KCND2: variants seen among roughly 807,000 people sequenced by gnomAD.
The protein encoded by KCND2 is potassium voltage-gated channel subfamily D member 2.
KCND2 carries 16 observed loss-of-function variants against 54.4 expected under a neutral mutation model. The ratio of observed to expected loss-of-function variants is 0.29; its 90% CI spans 0.20 to 0.45. The LOEUF is 0.45. Ranked by LOEUF, KCND2 falls within the 20% of genes least tolerant of loss-of-function variation. The pLI is 1.00. For synonymous variants in KCND2, 317 were observed against 310.7 expected (o/e 1.02, Z -0.21); for missense variants, 486 against 824.2 (o/e 0.59, Z 5.02).
intron 1 of KCND2, among the ~76,000 whole-genome samples, chr7:120,595,609 A>ATATATG (rs1251801793): frequency 1.4e-4 from 20 of 145,932 alleles, no homozygotes; most frequent in Non-Finnish European, 2.7e-4. Context: ...ATATATATAT[A>ATATATG]TATACACCAG....
chr7:120,537,989 A>T (rs1791932465), intron 1 of KCND2, among the ~76,000 whole-genome samples: 2 of 152,152 alleles, frequency 1.3e-5, no homozygotes, highest in Admixed American at 6.5e-5. Flanking sequence ...TTTCCTTTGC[A>T]TCCACAACTT....
At chr7:120,578,800 G>A (rs1584837154) in intron 1 of KCND2, among the ~76,000 whole-genome samples, 1 of 152,172 alleles carries the variant, frequency 6.6e-6, no homozygotes, top group East Asian at 1.9e-4. Flanking sequence ...AAGAGGCAGA[G>A]GTTGCAGTGA....
At chr7:120,437,236 T>G (rs1390892969) in intron 1 of KCND2, among the ~76,000 whole-genome samples, 3 of 138,678 alleles carry the variant, frequency 2.2e-5, no homozygotes, top group Non-Finnish European at 3.0e-5. Flanking sequence ...AGAATCTTGC[T>G]CTGCTGCCCA....
At chr7:120,658,452 T>C (rs951682458) in intron 1 of KCND2, among the ~76,000 whole-genome samples, 1 of 152,224 alleles carries the variant, frequency 6.6e-6, no homozygotes, top group Non-Finnish European at 1.5e-5. Flanking sequence ...TAAGCATAAG[T>C]GGCAAGCAGT....
At chr7:120,426,839 C>T (rs1294166170) in intron 1 of KCND2, among the ~76,000 whole-genome samples, 3 of 152,042 alleles carry the variant, frequency 2.0e-5, no homozygotes, top group African/African-American at 7.2e-5. Flanking sequence ...CCAGGATGGT[C>T]TCGATCTCCT....
chr7:120,280,273 T>C (rs1799241666), intron 1 of KCND2, among the ~76,000 whole-genome samples: 2 of 152,062 alleles, frequency 1.3e-5, no homozygotes, highest in Non-Finnish European at 2.9e-5. Flanking sequence ...CCAAATCTTA[T>C]GTGTCTTCAT....
intron 1 of KCND2, among the ~76,000 whole-genome samples, chr7:120,559,793 T>C (rs910332821): frequency 6.6e-6 from 1 of 152,208 alleles, no homozygotes; most frequent in Non-Finnish European, 1.5e-5. Context: ...CTTTGAAACA[T>C]GATACATAAG....
At chr7:120,330,294 A>T (rs548258970) in intron 1 of KCND2, among the ~76,000 whole-genome samples, 26 of 152,192 alleles carry the variant, frequency 1.7e-4, no homozygotes, top group Non-Finnish European at 3.2e-4. Flanking sequence ...TAATAAAAAA[A>T]GTAGGCTGGG....
chr7:120,367,395 C>T (rs970666184), intron 1 of KCND2, among the ~76,000 whole-genome samples: 37 of 152,128 alleles, frequency 2.4e-4, no homozygotes, highest in African/African-American at 7.7e-4. Flanking sequence ...TGACTAGCTG[C>T]CTCTATGGTT....
chr7:120,454,979 A>T (rs139922170), intron 1 of KCND2, among the ~76,000 whole-genome samples: 1 of 152,178 alleles, frequency 6.6e-6, no homozygotes, highest in Non-Finnish European at 1.5e-5. Flanking sequence ...TTAACCAAGG[A>T]GGTAAAAGAT....
chr7:120,625,264 C>T (rs1793151461), intron 1 of KCND2, among the ~76,000 whole-genome samples: 2 of 152,136 alleles, frequency 1.3e-5, no homozygotes, highest in Non-Finnish European at 2.9e-5. Flanking sequence ...AGTAAAATAG[C>T]AAAGCAAGGC....
intron 1 of KCND2, among the ~76,000 whole-genome samples, chr7:120,666,474 T>C (rs553665904): frequency 6.6e-6 from 1 of 151,980 alleles, no homozygotes; most frequent in East Asian, 1.9e-4. Context: ...TTGATAAAAA[T>C]AGAGCCACGG....
intron 1 of KCND2, among the ~76,000 whole-genome samples, chr7:120,622,711 TCTCTCA>T (rs1302000867): frequency 2.2e-5 from 3 of 133,998 alleles, no homozygotes; most frequent in East Asian, 4.2e-4. Context: ...TCTCTCTCTC[TCTCTCA>T]CACACACACA....
intron 1 of KCND2, among the ~76,000 whole-genome samples, chr7:120,666,721 A>T (rs1216749200): frequency 6.6e-6 from 1 of 151,982 alleles, no homozygotes; most frequent in Non-Finnish European, 1.5e-5. Flanking sequence ...ACTTCTAACC[A>T]CTAGGCTCCT....
chr7:120,408,130 T>G (rs1801389878), intron 1 of KCND2, among the ~76,000 whole-genome samples: 1 of 151,890 alleles, frequency 6.6e-6, no homozygotes, highest in East Asian at 1.9e-4. Context: ...TATAAACCCA[T>G]GATGATTGAA....
intron 1 of KCND2, among the ~76,000 whole-genome samples, chr7:120,615,410 A>G (rs1793011471): frequency 6.6e-6 from 1 of 152,192 alleles, no homozygotes. Context: ...TTTCACATAT[A>G]AAGATTTCAC....
At chr7:120,656,293 A>G (rs948804153) in intron 1 of KCND2, among the ~76,000 whole-genome samples, 1 of 152,160 alleles carries the variant, frequency 6.6e-6, no homozygotes, top group African/African-American at 2.4e-5. Flanking sequence ...TACCGAAAAT[A>G]CTTAAGGATA....
chr7:120,721,881 A>G (rs1792670797), intron 1 of KCND2, among the ~76,000 whole-genome samples: 1 of 152,140 alleles, frequency 6.6e-6, no homozygotes. Flanking sequence ...TAATTGAATT[A>G]TGGGGTCAGT....
intron 1 of KCND2, among the ~76,000 whole-genome samples, chr7:120,484,857 T>C (rs145495802): frequency 1.3e-5 from 2 of 152,260 alleles, no homozygotes; most frequent in African/African-American, 4.8e-5. Flanking sequence ...TAGTTTTAAC[T>C]GAAGTAGGAA....
Sources: gnomAD v4.1 joint callset for allele counts (sites outside exome capture counted in the v4.1 genomes callset) on GRCh38, gnomAD v4.1.1 for gene constraint, MANE v1.5 for transcripts, NCBI Gene and HGNC (gene_info 2026-07-23, HGNC 2026-07-21) for gene names.